The following SESN3 variants were observed in gnomAD, a reference collection of about 807,000 sequenced individuals.
SESN3 encodes the protein sestrin 3, also known as sestrin-3.
Under a neutral mutation model 55.3 loss-of-function variants are expected in SESN3, and 21 were observed. The observed-to-expected ratio is 0.38, with a 90% confidence interval of 0.27 to 0.55. The LOEUF (loss-of-function observed/expected upper bound fraction) is 0.55. SESN3 is among the 20% of genes least tolerant of loss of function. SESN3 has a pLI of 0.76. For synonymous variants in SESN3, 181 were observed against 203.1 expected, an observed-to-expected ratio of 0.89 and a Z score of 0.93; for missense variants, 408 against 604.3, an observed-to-expected ratio of 0.68 and a Z score of 3.41.
At chr11:95,180,016 A>AT (rs1591048143) in intron 6 of SESN3, among the ~76,000 whole-genome samples, 1 of 152,008 alleles carries the variant, frequency 6.6e-6, no homozygotes, top group East Asian at 1.9e-4. Context: ...TGTCTTTACT[A>AT]TTTTTTCTGA....
Position 95,191,573 on chromosome 11 carries a change from C to A in SESN3, c.173G>T (p.Arg58Leu). Residue 58 changes from arginine (R) to leucine (L), a missense_variant, in exon 3 of 10, where the codon CGT (arginine) becomes CTT (leucine). This residue lies in a region of SESN3 where 107 missense variants were observed against 211.3 expected (regional missense o/e 0.51). Transcript: ENST00000536441. ...EVVQANTVDE[R>L]TNFLVEEYST... ...GTATTCTTCCACAAGAAAGTTAGTA[C>A]GTTCATCCACTGTGTTTGCTTGGAC... 4 of 1,612,552 alleles carry A rather than the reference C, an allele frequency of 2.5e-6. No homozygotes were observed. Among genetic ancestry groups the A allele is most frequent in the Non-Finnish European group, 3.4e-6 (4 of 1,179,086 alleles).
At chr11:95,208,494 A>G (rs911230922) in intron 1 of SESN3, among the ~76,000 whole-genome samples, 1 of 151,466 alleles carries the variant, frequency 6.6e-6, no homozygotes, top group African/African-American at 2.4e-5. Context: ...ATCAGAGCAT[A>G]TGGGTTGGCT....
chr11:95,228,275 A>G (rs1330359600), intron 1 of SESN3, among the ~76,000 whole-genome samples: 1 of 152,154 alleles, frequency 6.6e-6, no homozygotes, highest in Non-Finnish European at 1.5e-5. Context: ...TAAGCCACCT[A>G]CTGAGAGAAT....
chr11:95,204,487 C>T (rs374359239), intron 1 of SESN3, among the ~76,000 whole-genome samples: 2 of 151,878 alleles, frequency 1.3e-5, no homozygotes, highest in African/African-American at 4.8e-5. Context: ...CCTGTCCCCC[C>T]CCTCAAAATT....
intron 1 of SESN3, among the ~76,000 whole-genome samples, chr11:95,205,502 TAGTG>T (rs1860531634): frequency 6.6e-6 from 1 of 151,990 alleles, no homozygotes; most frequent in Non-Finnish European, 1.5e-5. Context: ...CAGGGTAAAA[TAGTG>T]AGGAAAGTCT....
intron 1 of SESN3, among the ~76,000 whole-genome samples, chr11:95,214,409 T>A (rs938047337): frequency 6.6e-6 from 1 of 152,204 alleles, no homozygotes; most frequent in Non-Finnish European, 1.5e-5. Flanking sequence ...ATAGTTACTG[T>A]CCTAGATAGA....
At position 95,206,857 on chromosome 11, in the gene SESN3, A is replaced by G. The variant is rs150138126; in HGVS notation, c.79-13335T>C. 3.5e-3 allele frequency among the ~76,000 whole-genome samples: 534 copies of G among 151,872 alleles called. 1 individual carries two copies. The highest frequency in any genetic ancestry group is 0.011 in the African/African-American group (473 of 41,390). On this transcript the variant is annotated intron_variant, in intron 1 of 9. Coordinates refer to ENST00000536441, the MANE Select transcript of SESN3 (RefSeq NM_144665.4). ...GTTGCCCAGGCTGAAGTACAGTGGCATGATCTCAGCTCACTGTAACCTCCA... is the reference window on the plus strand; with the variant it reads ...GTTGCCCAGGCTGAAGTACAGTGGCGTGATCTCAGCTCACTGTAACCTCCA...
rs1393319123 is a variant in SESN3, at chr11:95,170,858, T to TA, written c.*2396dup. The TA allele has an allele frequency of 6.6e-6, 1 of 152,168 alleles. No homozygotes were observed. Among genetic ancestry groups the TA allele is most frequent in the African/African-American group, 2.4e-5 (1 of 41,444 alleles). 9.4% of individuals were successfully genotyped at this position (152,168 alleles called of 1,614,324 possible). The stretch of plus-strand genomic sequence containing the variant: ...TTGATAAGATAGATCAATGCTGAGC[T>TA]AAAAAGAAACTTTGCAAGGAAAGAG... On this transcript the variant is annotated 3_prime_UTR_variant, in exon 10 of 10. Transcript: ENST00000536441.
chr11:95,170,421 T>A lies in SESN3; in HGVS notation c.*2834A>T, dbSNP rs1214275228. 1.3e-5 allele frequency: 2 copies of A among 152,218 alleles called. No individual in the cohort carries two copies. Among genetic ancestry groups the A allele is most frequent in the Non-Finnish European group, 2.9e-5 (2 of 68,036 alleles). 9.4% of individuals were successfully genotyped at this position (152,218 alleles called of 1,614,324 possible). A position where few individuals can be genotyped will look rare whatever the true frequency, so the allele number is the denominator to read the frequency against. On this transcript the variant is annotated 3_prime_UTR_variant, in exon 10 of 10. Transcript: ENST00000536441. ...AAGAATTAAAGAATTCACATTCACATGTGCTTTTCTCACGTACACTTGCAC... is the reference window on the plus strand; with the variant it reads ...AAGAATTAAAGAATTCACATTCACAAGTGCTTTTCTCACGTACACTTGCAC...
intron 6 of SESN3, 27 bp downstream of exon 6, chr11:95,184,392 TA>T: frequency 6.2e-7 from 1 of 1,610,684 alleles, no homozygotes; most frequent in South Asian, 1.1e-5. Flanking sequence ...TAAGAACAAC[TA>T]AAAGGCAAAA....
rs1201074324 is a variant in SESN3, at chr11:95,168,573, G to A, written c.*4682C>T. ...TTGGGGATGAGGTAGAGGAGAGCAA[G>A]ATATTTCGGCAGCAGGGAAAAGGGT... On this transcript the variant is annotated 3_prime_UTR_variant, in exon 10 of 10. Coordinates refer to ENST00000536441, the MANE Select transcript of SESN3 (RefSeq NM_144665.4). 2.6e-5 allele frequency: 4 copies of A among 152,210 alleles called. No individual in the cohort carries two copies. The highest frequency in any genetic ancestry group is 5.9e-5 in the Non-Finnish European group (4 of 68,058). 9.4% of individuals were successfully genotyped at this position (152,210 alleles called of 1,614,324 possible). A position where few individuals can be genotyped will look rare whatever the true frequency, so the allele number is the denominator to read the frequency against.
chr11:95,200,987 C>A (rs760777321), intron 1 of SESN3: 11 of 152,022 alleles, frequency 7.2e-5, no homozygotes, highest in Non-Finnish European at 1.2e-4. Flanking sequence ...ACTACTTCAA[C>A]CTTAGAATGG....
intron 1 of SESN3, among the ~76,000 whole-genome samples, chr11:95,213,649 T>C (rs1860700233): frequency 6.6e-6 from 1 of 152,220 alleles, no homozygotes; most frequent in Non-Finnish European, 1.5e-5. Flanking sequence ...GCATAATTTG[T>C]TAAGCTTTTA....
chr11:95,177,880 G>A lies in SESN3; in HGVS notation c.1086C>T (p.Ser362=). 1.3e-6 allele frequency: 2 copies of A among 1,592,714 alleles called. No individual in the cohort carries two copies. Among genetic ancestry groups the A allele is most frequent in the Non-Finnish European group, 1.7e-6 (2 of 1,172,700 alleles). Residue 362 remains serine, a synonymous_variant, in exon 8 of 10, where the codon TCC becomes TCT. Transcript: ENST00000536441. ...QDYTWENHGF[S]LVNRLYSDIG... ...TGTCAGAATAAAGTCTGTTCACCAG[G>A]GAGAACCCATGATTTTCCCAGGTAT...
Position 95,230,833 on chromosome 11 carries a change from C to T in SESN3, c.28G>A (p.Ala10Thr), listed in dbSNP as rs1861044560. 4 of 1,586,222 alleles carry T rather than the reference C, an allele frequency of 2.5e-6. No individual in the cohort carries two copies. Among genetic ancestry groups the T allele is most frequent in the South Asian group, 1.1e-5 (1 of 89,194 alleles). Residue 10 changes from alanine to threonine, a missense_variant, in exon 1 of 10, where the codon GCC becomes ACC. Physicochemically the swap from Ala to Thr is moderately conservative, Grantham distance 58. Around this residue, in one of 4 missense-constraint regions of SESN3, gnomAD observed 61 missense variants for 48.3 expected, o/e 1.26. Coordinates refer to ENST00000536441, the MANE Select transcript of SESN3 (RefSeq NM_144665.4). This position sits in a 1 kb window ranked among gnomAD's most constrained non-coding sequence, Gnocchi z 4.6. MNRGGGSPS[A>T]AANYLLCTNC... ...GTACAGAGCAGGTAGTTGGCGGCGG[C>T]CGACGGGCTGCCGCCGCCCCGGTTC...
In SESN3 at chr11:95,167,571, C is replaced by T; in HGVS notation, c.*5684G>A. 7.1e-6 allele frequency: 1 copy of T among 141,504 alleles called. No individual in the cohort carries two copies. Among genetic ancestry groups the T allele is most frequent in the Admixed American group, 7.3e-5 (1 of 13,642 alleles). The allele number at this position is 141,504 out of a possible 1,614,324, so 8.8% of individuals were successfully genotyped here. On this transcript the variant is annotated 3_prime_UTR_variant, in exon 10 of 10. Transcript: ENST00000536441. Reference sequence around the variant, plus strand: ...TTCATGGCATATAATTTAATACAAACCGCCTCATTCAGTCTCCATTATTAA... The same window carrying T: ...TTCATGGCATATAATTTAATACAAATCGCCTCATTCAGTCTCCATTATTAA...
chr11:95,191,637 G>A (rs912551041), intron 2 of SESN3, 36 bp from the exon 3 acceptor site: 11 of 1,546,022 alleles, frequency 7.1e-6, no homozygotes, highest in Non-Finnish European at 9.8e-6. Flanking sequence ...AATGACTATT[G>A]AGACATAAAC....
chr11:95,214,560 T>C (rs1361461398), intron 1 of SESN3, among the ~76,000 whole-genome samples: 3 of 152,118 alleles, frequency 2.0e-5, no homozygotes, highest in Non-Finnish European at 2.9e-5. Flanking sequence ...TTTCTGACAC[T>C]CCATTTTTAA....
intron 7 of SESN3, among the ~76,000 whole-genome samples, chr11:95,178,302 C>T (rs1396975211): frequency 6.6e-6 from 1 of 152,304 alleles, no homozygotes. Flanking sequence ...ATCTTATACC[C>T]TCTTTAGGAG....
Sources: gnomAD v4.1 joint callset for allele counts (sites outside exome capture counted in the v4.1 genomes callset) on GRCh38, gnomAD v4.1.1 for gene constraint, gnomAD v4.1.1 regional missense constraint, Gnocchi (gnomAD v3.1) non-coding constraint, MANE v1.5 for transcripts, NCBI Gene and HGNC (gene_info 2026-07-23, HGNC 2026-07-21) for gene names.